LGR5: variants seen among roughly 807,000 people sequenced by gnomAD.
LGR5 encodes leucine rich repeat containing G protein-coupled receptor 5, also known as leucine-rich repeat-containing G protein-coupled receptor 5.
In LGR5, 54 loss-of-function variants were observed where a neutral mutation model predicts 76.7. The ratio of observed to expected loss-of-function variants is 0.70; its 90% confidence interval spans 0.57 to 0.88. The LOEUF (loss-of-function observed/expected upper bound fraction) is 0.88, where lower values mean the gene tolerates loss of function less well. LGR5 is among the 40% of genes least tolerant of loss of function. The probability of loss-of-function intolerance (pLI) is 0.00; values close to 1 mark genes in which losing one functional copy is unlikely to be tolerated. For missense variants in LGR5, 1,078 were observed against 1,073.3 expected, an observed-to-expected ratio of 1.00 and a Z score of -0.06; for synonymous variants, 406 against 421.9, an observed-to-expected ratio of 0.96 and a Z score of 0.46.
In LGR5 at chr12:71,584,078, C is replaced by T. The variant is rs748645352; in HGVS notation, c.2068C>T (p.Leu690=). 12 of 1,614,208 alleles carry T rather than the reference C, an allele frequency of 7.4e-6. No individual in the cohort carries two copies. The Admixed American group carries it at 1.7e-4, about 22-fold the overall frequency. The stretch of plus-strand genomic sequence containing the variant: ...GAAAGTAATCATTTTGCTCTGTGCC[C>T]TGCTGGCCTTGACCATGGCCGCAGT... The part of the protein sequence containing the change: ...SLKVIILLCA[L]LALTMAAVPL... The change falls in exon 18 of 18, where the codon CTG becomes TTG. Residue 690 remains leucine (L), a synonymous_variant. Transcript: ENST00000266674.
chr12:71,497,425 G>A (rs764856951), intron 1 of LGR5, among the ~76,000 whole-genome samples: 16 of 151,918 alleles, frequency 1.1e-4, no homozygotes, highest in African/African-American at 1.5e-4. Context: ...AAATTTATCC[G>A]GCCGGACACA....
At chr12:71,555,343 C>T (rs1410965540) in intron 5 of LGR5, among the ~76,000 whole-genome samples, 1 of 152,098 alleles carries the variant, frequency 6.6e-6, no homozygotes, top group African/African-American at 2.4e-5. Context: ...ACTTTTTCAC[C>T]CTATCCTCCT....
At chr12:71,547,590 G>A (rs564702661) in intron 4 of LGR5, among the ~76,000 whole-genome samples, 19 of 152,278 alleles carry the variant, frequency 1.2e-4, no homozygotes, top group East Asian at 3.9e-4. Flanking sequence ...AAGCAATTCT[G>A]TGACATGTGA....
intron 2 of LGR5, among the ~76,000 whole-genome samples, chr12:71,519,877 G>A (rs1592508899): frequency 6.6e-6 from 1 of 150,680 alleles, no homozygotes; most frequent in Non-Finnish European, 1.5e-5. Context: ...TAATAAAGTG[G>A]CACCAGCACA....
chr12:71,534,542 C>A (rs994708824), intron 3 of LGR5, among the ~76,000 whole-genome samples: 8 of 152,124 alleles, frequency 5.3e-5, no homozygotes, highest in Admixed American at 3.9e-4. Context: ...CCTACATATG[C>A]CCTTCAACAG....
chr12:71,574,453 C>A (rs911688361), intron 13 of LGR5, among the ~76,000 whole-genome samples: 4 of 152,068 alleles, frequency 2.6e-5, no homozygotes, highest in African/African-American at 9.7e-5. Context: ...AACTCCAATT[C>A]ATCCTCTCCA....
rs767050416 is a variant in LGR5 at position 71,440,067 on chromosome 12, C to T, written c.-14C>T. 3 of 1,599,376 alleles carry T rather than the reference C, an allele frequency of 1.9e-6. No individual in the cohort carries two copies. The highest frequency in any genetic ancestry group is 1.7e-5 in the Admixed American group (1 of 59,968). ...CCGCCCGCGTCCGGCTCGTGGCCCCCTACTTCGGGCACCATGGACACCTCC... is the reference window on the plus strand; with the variant it reads ...CCGCCCGCGTCCGGCTCGTGGCCCCTTACTTCGGGCACCATGGACACCTCC... On this transcript the variant is annotated 5_prime_UTR_variant, in exon 1 of 18. Coordinates refer to ENST00000266674, the MANE Select transcript of LGR5 (RefSeq NM_003667.4). This position sits in a 1 kb window ranked among gnomAD's most constrained non-coding sequence, Gnocchi z 5.3.
intron 2 of LGR5, among the ~76,000 whole-genome samples, chr12:71,522,445 T>C (rs940120494): frequency 6.6e-6 from 1 of 152,302 alleles, no homozygotes; most frequent in East Asian, 1.9e-4. Context: ...TAATAACACA[T>C]ATTTATTAAG....
At chr12:71,549,794 A>T (rs1040869757) in intron 4 of LGR5, among the ~76,000 whole-genome samples, 2 of 152,228 alleles carry the variant, frequency 1.3e-5, no homozygotes, top group Non-Finnish European at 2.9e-5. Context: ...GGACATCTGA[A>T]GGTCTATGCT....
chr12:71,560,324 A>T (rs1462834338), intron 7 of LGR5, among the ~76,000 whole-genome samples: 3 of 152,234 alleles, frequency 2.0e-5, no homozygotes, highest in East Asian at 3.8e-4. Context: ...AATGTTATTT[A>T]AAAAATTCTA....
intron 16 of LGR5, among the ~76,000 whole-genome samples, chr12:71,581,726 C>G (rs1370807010): frequency 6.6e-6 from 1 of 152,172 alleles, no homozygotes; most frequent in Non-Finnish European, 1.5e-5. Context: ...ATTAGAGAGC[C>G]TACTTTGTGC....
intron 4 of LGR5, among the ~76,000 whole-genome samples, chr12:71,537,482 GAAAAGAAAAGAA>G (rs1015521818): frequency 1.3e-5 from 2 of 151,544 alleles, no homozygotes; most frequent in African/African-American, 4.9e-5. Context: ...AGTAAGAAAA[GAAAAGAAAAGAA>G]AAAAGAAAAG....
Position 71,535,190 on chromosome 12 carries a change from A to G in LGR5, c.428+4A>G. 6.3e-7 allele frequency: 1 copy of G among 1,577,696 alleles called. No homozygotes were observed. The highest frequency in any genetic ancestry group is 8.7e-7 in the Non-Finnish European group (1 of 1,147,708). Reference sequence around the variant, plus strand: ...ATTTGCGAAGCCTTCAATCCCTGTAAGTATAGTAGACATTGCAAAATATAT... The same window carrying G: ...ATTTGCGAAGCCTTCAATCCCTGTAGGTATAGTAGACATTGCAAAATATAT... On this transcript the variant is annotated splice_donor_region_variant and intron_variant, in intron 4 of 17. Transcript: ENST00000266674.
intron 7 of LGR5, among the ~76,000 whole-genome samples, chr12:71,561,413 T>C (rs1167759053): frequency 2.0e-5 from 3 of 152,216 alleles, no homozygotes; most frequent in Non-Finnish European, 4.4e-5. Context: ...CTCTTCTAGC[T>C]TCAAATGGGG....
chr12:71,475,511 C>T (rs1427359123), intron 1 of LGR5, among the ~76,000 whole-genome samples: 1 of 152,150 alleles, frequency 6.6e-6, no homozygotes, highest in Non-Finnish European at 1.5e-5. Context: ...CCTAATGGGT[C>T]GTGTTGCAAC....
chr12:71,439,948 C>T lies in LGR5; in HGVS notation c.-133C>T. ...GCCGCCCACGCCGTGGGGTCAGGAA[C>T]GCGGCGTCTGGCGCTGCAGACGCCC... On this transcript the variant is annotated 5_prime_UTR_variant, in exon 1 of 18. In the 5' UTR this introduces an upstream ATG that the reference lacks. Transcript: ENST00000266674. 1.3e-6 allele frequency: 1 copy of T among 766,350 alleles called. No homozygotes were observed. The highest frequency in any genetic ancestry group is 3.0e-5 in the East Asian group (1 of 32,972). 47.5% of individuals were successfully genotyped at this position (766,350 alleles called of 1,614,324 possible).
At chr12:71,517,239 T>TA (rs1875490688) in intron 2 of LGR5, among the ~76,000 whole-genome samples, 1 of 152,214 alleles carries the variant, frequency 6.6e-6, no homozygotes, top group South Asian at 2.1e-4. Flanking sequence ...ATGATTTCCT[T>TA]AAATTGTTGT....
chr12:71,585,771 A>G lies in LGR5; in HGVS notation c.*1037A>G, dbSNP rs1879293016. 1 of 152,200 alleles carries G rather than the reference A, an allele frequency of 6.6e-6. No individual in the cohort carries two copies. Among genetic ancestry groups the G allele is most frequent in the African/African-American group, 2.4e-5 (1 of 41,456 alleles). The allele number at this position is 152,200 out of a possible 1,614,324, so 9.4% of individuals were successfully genotyped here. A position where few individuals can be genotyped will look rare whatever the true frequency, so the allele number is the denominator to read the frequency against. On this transcript the variant is annotated 3_prime_UTR_variant, in exon 18 of 18. Transcript: ENST00000266674. Reference sequence around the variant, plus strand: ...GACTCAAGAGACTCAGTAACGTATTATCCTGTTTATTTAGCTTGGTTTTAG... The same window carrying G: ...GACTCAAGAGACTCAGTAACGTATTGTCCTGTTTATTTAGCTTGGTTTTAG...
chr12:71,507,134 C>A (rs1331552475), intron 2 of LGR5, among the ~76,000 whole-genome samples: 1 of 152,090 alleles, frequency 6.6e-6, no homozygotes, highest in Non-Finnish European at 1.5e-5. Context: ...TATTATTATT[C>A]CCAGTTAACA....
Sources: gnomAD v4.1 joint callset for allele counts (sites outside exome capture counted in the v4.1 genomes callset) on GRCh38, gnomAD v4.1.1 for gene constraint, Gnocchi (gnomAD v3.1) non-coding constraint, MANE v1.5 for transcripts, NCBI Gene and HGNC (gene_info 2026-07-23, HGNC 2026-07-21) for gene names.